PSMD2: variants seen among roughly 807,000 people sequenced by gnomAD.
PSMD2 encodes 26S proteasome non-ATPase regulatory subunit 2.
PSMD2 carries 8 observed loss-of-function variants against 101.5 expected under a neutral mutation model. The ratio of observed to expected loss-of-function variants is 0.08; its 90% confidence interval spans 0.05 to 0.14. The LOEUF is 0.14. Ranked by LOEUF, PSMD2 falls within the 10% of genes least tolerant of loss-of-function variation. PSMD2 has a pLI of 1.00. For synonymous variants in PSMD2, 418 were observed against 433.8 expected (o/e 0.96, Z 0.45); for missense variants, 784 against 1,147.4 (o/e 0.68, Z 4.58).
chr3:184,307,201 C>T (rs925395861), intron 16 of PSMD2, 156 bp from the exon 17 acceptor site: 1 of 787,296 alleles, frequency 1.3e-6, no homozygotes, highest in African/African-American at 1.7e-5. Flanking sequence ...CCTCGGCCTC[C>T]CAAAGTGCTG....
chr3:184,299,684 A>G lies in PSMD2; in HGVS notation c.136-167A>G, dbSNP rs1321666973. The G allele has an allele frequency of 1.2e-5, 8 of 670,186 alleles. No homozygotes were observed. In the East Asian group the frequency reaches 2.2e-4, roughly 18 times the overall value. 41.5% of individuals were successfully genotyped at this position (670,186 alleles called of 1,614,324 possible). ...GTGGCATTCAAGTAGAGCCTGATTC[A>G]GAACCCAGGCTGATTTCTCACCAGG... On this transcript the variant is annotated intron_variant, in intron 1 of 20. Coordinates refer to ENST00000310118, the MANE Select transcript of PSMD2 (RefSeq NM_002808.5).
In PSMD2 at chr3:184,308,574, G is replaced by C. The variant is rs1009568036; in HGVS notation, c.2544+7G>C. The C allele has an allele frequency of 3.7e-6, 6 of 1,609,776 alleles. No homozygotes were observed. The African/African-American group carries it at 8.0e-5, about 22-fold the overall frequency. ...GTCTGTCCGTGTGGGCCAGGTGAGA[G>C]GCTGAGTAGAGGGGAGGGCTCAGGC... On this transcript the variant is annotated splice_region_variant and intron_variant, in intron 20 of 20. Transcript: ENST00000310118. The surrounding 1 kb of genome is among the most constrained non-coding windows in gnomAD (Gnocchi z 6.0).
Position 184,299,308 on chromosome 3 carries a change from G to T in PSMD2, c.42G>T (p.Gln14His). The T allele has an allele frequency of 7.1e-7, 1 of 1,405,414 alleles. No individual in the cohort carries two copies. Among genetic ancestry groups the T allele is most frequent in the South Asian group, 1.5e-5 (1 of 68,418 alleles). The allele number at this position is 1,405,414 out of a possible 1,614,324, so 87.1% of individuals were successfully genotyped here. The change falls in exon 1 of 21, where the codon CAG (glutamine) becomes CAT (histidine). Residue 14 changes from glutamine to histidine, a missense_variant. By Grantham distance (24) the Gln-to-His change is conservative. Coordinates refer to ENST00000310118, the MANE Select transcript of PSMD2 (RefSeq NM_002808.5). ...GGGACAAGGCGCCGGTGCAGCCCCA[G>T]CAGTCTCCAGCGGCGGCCCCCGGCG... ...GGRDKAPVQP[Q>H]QSPAAAPGGT...
At position 184,302,515 on chromosome 3, in the gene PSMD2, T is replaced by C; in HGVS notation, c.850T>C (p.Ser284Pro). The C allele has an allele frequency of 6.2e-7, 1 of 1,614,138 alleles. No homozygotes were observed. The highest frequency in any genetic ancestry group is 8.5e-7 in the Non-Finnish European group (1 of 1,180,026). The stretch of plus-strand genomic sequence containing the variant: ...GGAGTTGGTAGAAGACATCTTCACC[T>C]CCTGCAAGGATGTGTATGTAGGGAA... ...DMELVEDIFT[S>P]CKDVVVQKQM... The change falls in exon 6 of 21, where the codon TCC becomes CCC. Residue 284 changes from serine to proline, a missense_variant. Ser to Pro is a moderately conservative substitution (Grantham distance 74). This residue lies in a region of PSMD2 where 208 missense variants were observed against 301.6 expected (regional missense o/e 0.69). Coordinates refer to ENST00000310118, the MANE Select transcript of PSMD2 (RefSeq NM_002808.5).
At chr3:184,302,849 G>T in intron 7 of PSMD2, 26 bp downstream of exon 7, 7 of 1,613,768 alleles carry the variant, frequency 4.3e-6, no homozygotes, top group Non-Finnish European at 5.9e-6. Flanking sequence ...TTTCATCAAG[G>T]CCTTTTCGTC....
chr3:184,308,776 A>G lies in PSMD2; in HGVS notation c.2613A>G (p.Pro871=). 6.2e-7 allele frequency: 1 copy of G among 1,613,970 alleles called. No homozygotes were observed. Among genetic ancestry groups the G allele is most frequent in the South Asian group, 1.1e-5 (1 of 91,076 alleles). Residue 871 remains proline (P), a synonymous_variant, in exon 21 of 21, where the codon CCA becomes CCG. Coordinates refer to ENST00000310118, the MANE Select transcript of PSMD2 (RefSeq NM_002808.5). This position sits in a 1 kb window ranked among gnomAD's most constrained non-coding sequence, Gnocchi z 6.0. ...CAGGGTTCCAGACGCATACAACCCC[A>G]GTGTTGTTGGCCCACGGGGAACGGG... ...TITGFQTHTT[P]VLLAHGERAE...
Position 184,305,748 on chromosome 3 carries a change from A to C in PSMD2, c.1540-20A>C. On this transcript the variant is annotated intron_variant, in intron 12 of 20. Transcript: ENST00000310118. ...ATTTTAATAACTTACTCTGTGTAAT[A>C]CTGATTTTCCTACCTCTAGGTGGCA... is the stretch of plus-strand genomic sequence containing the variant. 6.2e-7 allele frequency: 1 copy of C among 1,609,494 alleles called. No homozygotes were observed. The highest frequency in any genetic ancestry group is 8.5e-7 in the Non-Finnish European group (1 of 1,177,152).
chr3:184,301,773 G>T (rs749085402), intron 4 of PSMD2, 74 bp from the exon 5 acceptor site: 2 of 1,608,622 alleles, frequency 1.2e-6, no homozygotes, highest in Admixed American at 1.7e-5. Flanking sequence ...TTTCCCAGAC[G>T]CTGGATTCCT....
chr3:184,308,151 G>A lies in PSMD2; in HGVS notation c.2425+135G>A. The A allele has an allele frequency of 8.3e-7, 1 of 1,199,582 alleles. No individual in the cohort carries two copies. The highest frequency in any genetic ancestry group is 1.1e-6 in the Non-Finnish European group (1 of 871,882). 74.3% of individuals were successfully genotyped at this position (1,199,582 alleles called of 1,614,324 possible). A position where few individuals can be genotyped will look rare whatever the true frequency, so the allele number is the denominator to read the frequency against. On this transcript the variant is annotated intron_variant, in intron 19 of 20. Transcript: ENST00000310118. The surrounding 1 kb of genome is among the most constrained non-coding windows in gnomAD (Gnocchi z 6.0). Reference sequence around the variant, plus strand: ...CTCTAGGTTTCTGAGACAGGCTTTGGGCCTGTGACATGAGACTTTCATCAC... The same window carrying A: ...CTCTAGGTTTCTGAGACAGGCTTTGAGCCTGTGACATGAGACTTTCATCAC...
chr3:184,301,692 C>T (rs1248391021), intron 4 of PSMD2, 34 bp downstream of exon 4: 1 of 1,612,724 alleles, frequency 6.2e-7, no homozygotes, highest in Non-Finnish European at 8.5e-7. Flanking sequence ...CCGAAGGGGG[C>T]TCTGAGGCTC....
intron 12 of PSMD2, among the ~76,000 whole-genome samples, chr3:184,305,004 CCTT>C (rs1721781590): frequency 6.6e-6 from 1 of 152,140 alleles, no homozygotes; most frequent in Non-Finnish European, 1.5e-5. Context: ...TGATGATTCT[CCTT>C]AGTATTGTAG....
rs2108444006 is a variant in PSMD2 at position 184,305,852 on chromosome 3, A to G, written c.1624A>G (p.Ile542Val). ...GDVTSTILQT[I>V]MEKSETELKD... Reference sequence around the variant, plus strand: ...TGTAACTTCCACTATCCTTCAGACCATCATGGAGAAGTCAGAGACTGAGCT... The same window carrying G: ...TGTAACTTCCACTATCCTTCAGACCGTCATGGAGAAGTCAGAGACTGAGCT... Residue 542 changes from isoleucine to valine, a missense_variant, in exon 13 of 21, where the codon ATC becomes GTC. Coordinates refer to ENST00000310118, the MANE Select transcript of PSMD2 (RefSeq NM_002808.5). The G allele has an allele frequency of 6.2e-7, 1 of 1,614,244 alleles. No homozygotes were observed. The highest frequency in any genetic ancestry group is 8.5e-7 in the Non-Finnish European group (1 of 1,180,042).
At position 184,301,606 on chromosome 3, in the gene PSMD2, C is replaced by T. The variant is rs773018817; in HGVS notation, c.427C>T (p.Arg143Trp). The T allele has an allele frequency of 8.7e-6, 14 of 1,613,948 alleles. No individual in the cohort carries two copies. The highest frequency in any genetic ancestry group is 8.0e-5 in the African/African-American group (6 of 74,882). ...TGGGGAGCGTGAGTGCCTCAAGTAT[C>T]GGCTAGTGGGCTCCCAGGAGGAATT... The part of the protein sequence containing the change: ...MSGERECLKY[R>W]LVGSQEELAS... The change falls in exon 4 of 21, where the codon CGG (arginine) becomes TGG (tryptophan). Residue 143 changes from arginine to tryptophan, a missense_variant. Transcript: ENST00000310118.
Position 184,299,907 on chromosome 3 carries a change from G to A in PSMD2, c.192G>A (p.Gly64=). 2 of 1,613,284 alleles carry A rather than the reference G, an allele frequency of 1.2e-6. No individual in the cohort carries two copies. The highest frequency in any genetic ancestry group is 1.7e-6 in the Non-Finnish European group (2 of 1,179,244). The change falls in exon 2 of 21, where the codon GGG becomes GGA. Residue 64 remains glycine, a splice_region_variant and synonymous_variant. Transcript: ENST00000310118. Reference sequence around the variant, plus strand: ...TGGAGATGCTCGTGGAACGACTAGGGGTGAGTCACGATGTTAACATGATTC... The same window carrying A: ...TGGAGATGCTCGTGGAACGACTAGGAGTGAGTCACGATGTTAACATGATTC... ...DELEMLVERL[G]EKDTSLYRPA...
Position 184,308,389 on chromosome 3 carries a change from T to G in PSMD2, c.2426-60T>G. 1 of 1,363,000 alleles carries G rather than the reference T, an allele frequency of 7.3e-7. No individual in the cohort carries two copies. The highest frequency in any genetic ancestry group is 1.0e-6 in the Non-Finnish European group (1 of 978,746). 84.4% of individuals were successfully genotyped at this position (1,363,000 alleles called of 1,614,324 possible). A position where few individuals can be genotyped will look rare whatever the true frequency, so the allele number is the denominator to read the frequency against. On this transcript the variant is annotated intron_variant, in intron 19 of 20. Transcript: ENST00000310118. The surrounding 1 kb of genome is among the most constrained non-coding windows in gnomAD (Gnocchi z 6.0). Reference sequence around the variant, plus strand: ...GGTCAGCGCTGAGGTGGGCTCTCAATGTTTCTGGCCAGGCCTGTCTTTTTG... The same window carrying G: ...GGTCAGCGCTGAGGTGGGCTCTCAAGGTTTCTGGCCAGGCCTGTCTTTTTG...
chr3:184,299,488 C>T (rs1449005995), intron 1 of PSMD2, 87 bp downstream of exon 1: 3 of 1,305,118 alleles, frequency 2.3e-6, no homozygotes, highest in Non-Finnish European at 2.9e-6. Context: ...CACCCAACTA[C>T]CCCACCGCGC....
chr3:184,308,927 T>C lies in PSMD2; in HGVS notation c.*37T>C, dbSNP rs748541113. On this transcript the variant is annotated 3_prime_UTR_variant, in exon 21 of 21. Transcript: ENST00000310118. The surrounding 1 kb of genome is among the most constrained non-coding windows in gnomAD (Gnocchi z 6.0). The stretch of plus-strand genomic sequence containing the variant: ...GGGCTCTGAACTGCAGCTGATGTTA[T>C]CAGCAGGCCATGCATCCTGCTGCCA... The C allele has an allele frequency of 1.1e-5, 17 of 1,582,750 alleles. No individual in the cohort carries two copies. The highest frequency in any genetic ancestry group is 1.3e-5 in the African/African-American group (1 of 74,230).
Position 184,301,587 on chromosome 3 carries a change from G to C in PSMD2, c.408G>C (p.Glu136Asp), listed in dbSNP as rs1577155784. 3 of 1,614,122 alleles carry C rather than the reference G, an allele frequency of 1.9e-6. No homozygotes were observed. In the East Asian group the frequency reaches 6.7e-5, roughly 36 times the overall value. The change falls in exon 4 of 21, where the codon GAG becomes GAC. Residue 136 changes from glutamate (E) to aspartate (D), a missense_variant. This residue lies in a region of PSMD2 where 196 missense variants were observed against 182.4 expected (regional missense o/e 1.07). Coordinates refer to ENST00000310118, the MANE Select transcript of PSMD2 (RefSeq NM_002808.5). The part of the protein sequence containing the change: ...ISVLAMTMSG[E>D]RECLKYRLVG... ...TTTTGGCCATGACCATGAGTGGGGA[G>C]CGTGAGTGCCTCAAGTATCGGCTAG...
chr3:184,299,774 C>A, intron 1 of PSMD2, 77 bp from the exon 2 acceptor site: 2 of 1,248,936 alleles, frequency 1.6e-6, no homozygotes, highest in African/African-American at 1.5e-5. Context: ...GCTTATTCTT[C>A]ACCTGCCCCG....
Sources: allele counts gnomAD v4.1 joint callset (sites outside exome capture counted in the v4.1 genomes callset), GRCh38; gene constraint gnomAD v4.1.1; regional missense constraint gnomAD v4.1.1; non-coding constraint Gnocchi (gnomAD v3.1); transcripts MANE v1.5; gene names NCBI Gene and HGNC (gene_info 2026-07-23, HGNC 2026-07-21).